Variants in COL14A1 observed in about 807,000 individuals in gnomAD.
COL14A1 encodes the protein collagen type XIV alpha 1 chain.
COL14A1 carries 136 observed loss-of-function variants against 230.3 expected under a neutral mutation model. The observed-to-expected ratio is 0.59, with a 90% CI of 0.51 to 0.68. The LOEUF is 0.68. Ranked by LOEUF, COL14A1 falls within the 30% of genes least tolerant of loss-of-function variation. The pLI, the probability that COL14A1 is intolerant of heterozygous loss-of-function variation, is 0.00. For synonymous variants in COL14A1, 792 were observed against 784.1 expected, an observed-to-expected ratio of 1.01 and a Z score of -0.17; for missense variants, 1,976 against 2,215.8, an observed-to-expected ratio of 0.89 and a Z score of 2.17.
intron 12 of COL14A1, among the ~76,000 whole-genome samples, chr8:120,210,569 A>T (rs1817588593): frequency 6.6e-6 from 1 of 152,200 alleles, no homozygotes; most frequent in Non-Finnish European, 1.5e-5. Flanking sequence ...TCCATTTTAA[A>T]TGATGAACCT....
chr8:120,226,670 G>A lies in COL14A1; in HGVS notation c.1908G>A (p.Thr636=), dbSNP rs1344599321. 18 of 1,613,762 alleles carry A rather than the reference G, an allele frequency of 1.1e-5. No individual in the cohort carries two copies. Among genetic ancestry groups the A allele is most frequent in the Admixed American group, 1.7e-5 (1 of 59,982 alleles). ...AATACTTAGAAATTGATGAGGTGAC[G>A]ACAGACAGTTTTAGGGTGACCTGGC... ...AQQYLEIDEV[T]TDSFRVTWHP... is the part of the protein sequence containing the mutation. Residue 636 remains threonine (T), a synonymous_variant, in exon 16 of 48, where the codon ACG becomes ACA. Coordinates refer to ENST00000297848, the MANE Select transcript of COL14A1 (RefSeq NM_021110.4).
intron 1 of COL14A1, among the ~76,000 whole-genome samples, chr8:120,133,136 A>G (rs1335238027): frequency 1.3e-5 from 2 of 151,990 alleles, no homozygotes; most frequent in East Asian, 3.9e-4. Context: ...GAATGGCGTG[A>G]ACCCGGGAGG....
intron 19 of COL14A1, among the ~76,000 whole-genome samples, chr8:120,233,666 C>T (rs1441660972): frequency 6.6e-6 from 1 of 152,024 alleles, no homozygotes; most frequent in Non-Finnish European, 1.5e-5. Context: ...TGTTCTGTTC[C>T]ATTGGTTTAT....
chr8:120,350,548 C>G (rs570996326), intron 45 of COL14A1, among the ~76,000 whole-genome samples: 1 of 150,790 alleles, frequency 6.6e-6, no homozygotes, highest in Non-Finnish European at 1.5e-5. Flanking sequence ...GAAGATCTAC[C>G]AAGCCAATGG....
At chr8:120,296,750 T>C (rs1820541856) in intron 34 of COL14A1, among the ~76,000 whole-genome samples, 1 of 151,998 alleles carries the variant, frequency 6.6e-6, no homozygotes, top group African/African-American at 2.4e-5. Flanking sequence ...CATTGACTTA[T>C]CACCAACATA....
In COL14A1 at chr8:120,289,696, T is replaced by C. The variant is rs779469863; in HGVS notation, c.4166T>C (p.Ile1389Thr). 1.2e-6 allele frequency: 2 copies of C among 1,614,068 alleles called. No individual in the cohort carries two copies. The highest frequency in any genetic ancestry group is 2.2e-5 in the South Asian group (2 of 91,076). The change falls in exon 34 of 48, where the codon ATC (isoleucine) becomes ACC (threonine). Residue 1389 changes from isoleucine to threonine, a missense_variant. Physicochemically the swap from Ile to Thr is moderately conservative, Grantham distance 89. Coordinates refer to ENST00000297848, the MANE Select transcript of COL14A1 (RefSeq NM_021110.4). ...GEKAMNASAN[I>T]TSDGVEVLGK... ...AAGGCAATGAACGCATCAGCTAATA[T>C]CACGTCAGATGGTGTAGAAGTGCTA...
intron 35 of COL14A1, among the ~76,000 whole-genome samples, chr8:120,299,679 C>G (rs1178855464): frequency 2.6e-5 from 4 of 152,038 alleles, no homozygotes; most frequent in African/African-American, 9.7e-5. Context: ...TTCACTCTAG[C>G]TGGCCAGATT....
rs367597501 is a variant in COL14A1, at chr8:120,233,150, G to A, written c.2349+1532G>A. 1.8e-4 allele frequency among the ~76,000 whole-genome samples: 28 copies of A among 152,118 alleles called. No individual in the cohort carries two copies. The South Asian group carries it at 2.7e-3, about 15-fold the overall frequency. ...TCTTGTAAATTGGTTTAAGTTCCTT[G>A]TAGGTTCTGGATATTAGCCATTTGT... On this transcript the variant is annotated intron_variant, in intron 19 of 47. Coordinates refer to ENST00000297848, the MANE Select transcript of COL14A1 (RefSeq NM_021110.4).
intron 5 of COL14A1, among the ~76,000 whole-genome samples, chr8:120,194,779 A>G (rs1470959181): frequency 6.6e-6 from 1 of 152,088 alleles, no homozygotes; most frequent in East Asian, 1.9e-4. Flanking sequence ...AAAGAAAACT[A>G]CTCTCCATTT....
At chr8:120,361,991 T>G (rs73331078) in intron 45 of COL14A1, among the ~76,000 whole-genome samples, 3,044 of 152,270 alleles carry the variant, frequency 0.02, 111 homozygotes, top group African/African-American at 0.069. Context: ...GAGGAAAGCA[T>G]CTGAGGAAAT....
intron 13 of COL14A1, among the ~76,000 whole-genome samples, chr8:120,216,003 T>A (rs1276235197): frequency 6.6e-6 from 1 of 152,176 alleles, no homozygotes; most frequent in Non-Finnish European, 1.5e-5. Flanking sequence ...GGTAATTGAG[T>A]GGACTAGCTA....
chr8:120,228,643 C>T (rs1373408843), intron 17 of COL14A1, 67 bp from the exon 18 acceptor site: 4 of 1,217,650 alleles, frequency 3.3e-6, no homozygotes, highest in Non-Finnish European at 4.9e-6. Flanking sequence ...TCTTTGAAAG[C>T]TACAACATGC....
chr8:120,197,623 C>A (rs1212493238), intron 6 of COL14A1, among the ~76,000 whole-genome samples, 188 bp from the exon 7 acceptor site: 3 of 151,938 alleles, frequency 2.0e-5, no homozygotes, highest in Non-Finnish European at 4.4e-5. Context: ...TCCCTCAACC[C>A]CCGTATATGT....
At chr8:120,203,035 A>G (rs917219678) in intron 8 of COL14A1, among the ~76,000 whole-genome samples, 6 of 93,094 alleles carry the variant, frequency 6.4e-5, no homozygotes, top group Admixed American at 3.1e-4. Flanking sequence ...TTCTAGCAGT[A>G]TTTCTCAATT....
chr8:120,298,609 A>ATATT (rs1207358994), intron 35 of COL14A1, among the ~76,000 whole-genome samples: 1 of 68,722 alleles, frequency 1.5e-5, no homozygotes, highest in Non-Finnish European at 3.1e-5. Context: ...ATATATATAT[A>ATATT]TATATATATA....
At chr8:120,323,019 A>G (rs1370712598) in intron 40 of COL14A1, among the ~76,000 whole-genome samples, 1 of 152,200 alleles carries the variant, frequency 6.6e-6, no homozygotes, top group Non-Finnish European at 1.5e-5. Context: ...ACTCCCACCA[A>G]TAGTGTAAAA....
In COL14A1 at chr8:120,168,161, T is replaced by G; in HGVS notation, c.350T>G (p.Ile117Ser). The change falls in exon 5 of 48, where the codon ATT becomes AGT. Residue 117 changes from isoleucine (I) to serine (S), a missense_variant and splice_region_variant. Ile to Ser is a moderately radical substitution (Grantham distance 142, BLOSUM62 -2). This residue lies in a region of COL14A1 where 181 missense variants were observed against 178.6 expected (regional missense o/e 1.01). Transcript: ENST00000297848. ...TGCTGTATCTCTACTTTTCTTCCAG[T>G]TAAAGATTTAGAAAAAAGAAAGGAT... Reference protein sequence around the residue: ...ESKPAQGQFRIKDLEKRKDPK... With the variant: ...ESKPAQGQFRSKDLEKRKDPK... 1.9e-6 allele frequency: 3 copies of G among 1,605,298 alleles called. No homozygotes were observed. Among genetic ancestry groups the G allele is most frequent in the Non-Finnish European group, 2.6e-6 (3 of 1,173,500 alleles).
chr8:120,191,322 C>T (rs1349768413), intron 5 of COL14A1, among the ~76,000 whole-genome samples: 1 of 152,064 alleles, frequency 6.6e-6, no homozygotes, highest in Admixed American at 6.6e-5. Flanking sequence ...CATTCAGGAG[C>T]AGGTTGTTCA....
intron 3 of COL14A1, among the ~76,000 whole-genome samples, chr8:120,160,593 A>G (rs1386422834): frequency 6.6e-6 from 1 of 152,244 alleles, no homozygotes; most frequent in African/African-American, 2.4e-5. Flanking sequence ...ATTTCTTCAT[A>G]AATGCTAGGT....
Sources: allele counts gnomAD v4.1 joint callset (sites outside exome capture counted in the v4.1 genomes callset), GRCh38; gene constraint gnomAD v4.1.1; regional missense constraint gnomAD v4.1.1; transcripts MANE v1.5; gene names NCBI Gene and HGNC (gene_info 2026-07-23, HGNC 2026-07-21).